The following ORC4 variants were observed in gnomAD, a reference collection of about 807,000 sequenced individuals.
The protein encoded by ORC4 is origin recognition complex, subunit 4 homolog.
ORC4 carries 55 observed loss-of-function variants against 63.9 expected under a neutral mutation model. That is an observed-to-expected ratio of 0.86 (90% confidence interval 0.69 to 1.08). The LOEUF (loss-of-function observed/expected upper bound fraction) is 1.08. ORC4 is among the 50% of genes least tolerant of loss of function. ORC4 has a pLI of 0.00. For synonymous variants in ORC4, 150 were observed against 168.5 expected, an observed-to-expected ratio of 0.89 and a Z score of 0.85; for missense variants, 511 against 504.4, an observed-to-expected ratio of 1.01 and a Z score of -0.13.
intron 1 of ORC4, among the ~76,000 whole-genome samples, chr2:147,980,672 C>G (rs1241425118): frequency 1.3e-5 from 2 of 152,160 alleles, no homozygotes; most frequent in Admixed American, 1.3e-4. Context: ...GATAACATTT[C>G]ACACCTGCTA....
intron 1 of ORC4, among the ~76,000 whole-genome samples, chr2:148,014,253 G>C (rs1461735913): frequency 6.6e-6 from 1 of 152,152 alleles, no homozygotes; most frequent in African/African-American, 2.4e-5. Context: ...TGGGGACTCA[G>C]ATAAACTACC....
At chr2:147,977,532 G>C (rs996275449) in intron 1 of ORC4, among the ~76,000 whole-genome samples, 1 of 152,142 alleles carries the variant, frequency 6.6e-6, no homozygotes, top group African/African-American at 2.4e-5. Flanking sequence ...TCAGGCAGGC[G>C]TCTGTGAAAC....
At chr2:147,963,605 G>GT (rs1474819731) in intron 4 of ORC4, among the ~76,000 whole-genome samples, 2 of 152,106 alleles carry the variant, frequency 1.3e-5, no homozygotes, top group Non-Finnish European at 2.9e-5. Context: ...AAACAAACCA[G>GT]TGAGTTGTTC....
At position 147,932,677 on chromosome 2, in the gene ORC4, G is replaced by T. The variant is rs947284904; in HGVS notation, c.*2833C>A. 2.0e-5 allele frequency: 3 copies of T among 152,064 alleles called. No homozygotes were observed. The highest frequency in any genetic ancestry group is 4.8e-5 in the African/African-American group (2 of 41,414). The allele number at this position is 152,064 out of a possible 1,614,324, so 9.4% of individuals were successfully genotyped here. A position where few individuals can be genotyped will look rare whatever the true frequency, so the allele number is the denominator to read the frequency against. ...TATTCCCACTAAAGTATGTGTGTTG[G>T]TCCTGCCAGTATTAGAAACCAGAGG... On this transcript the variant is annotated 3_prime_UTR_variant, in exon 14 of 14. Coordinates refer to ENST00000392857, the MANE Select transcript of ORC4 (RefSeq NM_181741.4).
At chr2:147,984,772 A>G (rs1691095866) in intron 1 of ORC4, among the ~76,000 whole-genome samples, 1 of 152,220 alleles carries the variant, frequency 6.6e-6, no homozygotes, top group Non-Finnish European at 1.5e-5. Context: ...CCTACAATCT[A>G]TACCTTTACA....
At chr2:147,955,485 C>G in intron 6 of ORC4, 90 bp from the exon 7 acceptor site, 1 of 865,086 alleles carries the variant, frequency 1.2e-6, no homozygotes, top group Non-Finnish European at 1.9e-6. Context: ...TATATAAACA[C>G]TGTATATCTT....
intron 6 of ORC4, among the ~76,000 whole-genome samples, chr2:147,957,240 AATT>A (rs1689311788): frequency 6.8e-6 from 1 of 147,296 alleles, no homozygotes; most frequent in Non-Finnish European, 1.5e-5. Context: ...ATAATTATAT[AATT>A]AATAATTTTA....
At chr2:148,019,756 G>A (rs1417539258) in intron 1 of ORC4, among the ~76,000 whole-genome samples, 2 of 152,082 alleles carry the variant, frequency 1.3e-5, no homozygotes, top group African/African-American at 2.4e-5. Context: ...TTGATTGTAT[G>A]AAAACAATGA....
rs535159793 is a variant in ORC4, at chr2:147,948,190, G to C, written c.623C>G (p.Ser208Ter). ...ILELLEKRVKSRFSHRQIHLM... is the reference protein window; with the variant it reads ...ILELLEKRVK The stretch of plus-strand genomic sequence containing the variant: ...GTGTATCTGCCGGTGAGAAAATCTT[G>C]ACTTCACTCTTTTTTCTAAGAGTTC... The change falls in exon 9 of 14, where the codon TCA becomes TGA. Residue 208 changes from serine to a stop codon, truncating the protein, a stop_gained. Transcript: ENST00000392857. LOFTEE classifies it high-confidence loss of function. The C allele has an allele frequency of 3.7e-6, 6 of 1,609,238 alleles. No homozygotes were observed. Among genetic ancestry groups the C allele is most frequent in the Non-Finnish European group, 4.2e-6 (5 of 1,176,786 alleles).
intron 10 of ORC4, among the ~76,000 whole-genome samples, chr2:147,940,163 A>C (rs940475407): frequency 4.0e-5 from 6 of 151,816 alleles, no homozygotes; most frequent in Admixed American, 1.3e-4. Flanking sequence ...TTTAGTTATT[A>C]ATTTTTTAAT....
intron 1 of ORC4, among the ~76,000 whole-genome samples, chr2:147,985,919 G>GA (rs767670222): frequency 1.3e-5 from 2 of 151,756 alleles, no homozygotes; most frequent in Non-Finnish European, 2.9e-5. Context: ...CAACTGGCAT[G>GA]AAAAAAAACC....
intron 1 of ORC4, among the ~76,000 whole-genome samples, chr2:148,003,300 A>G (rs1327967990): frequency 2.0e-5 from 3 of 152,186 alleles, no homozygotes; most frequent in African/African-American, 7.2e-5. Context: ...TCTGGCAGAG[A>G]CACAACAAAA....
At chr2:147,957,507 T>G (rs1024039298) in intron 6 of ORC4, among the ~76,000 whole-genome samples, 1 of 151,838 alleles carries the variant, frequency 6.6e-6, no homozygotes, top group African/African-American at 2.4e-5. Context: ...AGGTGCAAAA[T>G]TAAATTATCA....
intron 1 of ORC4, among the ~76,000 whole-genome samples, chr2:147,978,691 T>C (rs1690701357): frequency 6.6e-6 from 1 of 152,186 alleles, no homozygotes; most frequent in African/African-American, 2.4e-5. Flanking sequence ...ATATCCTTGA[T>C]GAATATAGGT....
chr2:147,931,135 C>T lies in ORC4; in HGVS notation c.*4375G>A. 6.7e-6 allele frequency: 1 copy of T among 149,322 alleles called. No individual in the cohort carries two copies. Among genetic ancestry groups the T allele is most frequent in the Non-Finnish European group, 1.5e-5 (1 of 67,492 alleles). The allele number at this position is 149,322 out of a possible 1,614,324, so 9.2% of individuals were successfully genotyped here. ...GGTTTTTTGTTCTTGTGATAGTTTA[C>T]TGAGAATGATGATTTCCAATTTCAT... On this transcript the variant is annotated 3_prime_UTR_variant, in exon 14 of 14. Transcript: ENST00000392857.
At chr2:147,974,591 C>T (rs13402812) in intron 2 of ORC4, among the ~76,000 whole-genome samples, 3,286 of 150,496 alleles carry the variant, frequency 0.022, 103 homozygotes, top group African/African-American at 0.076. Flanking sequence ...GCCAAGACTG[C>T]ACCACTGCAC....
chr2:148,020,419 C>T (rs1334312159), intron 1 of ORC4, among the ~76,000 whole-genome samples: 2 of 152,136 alleles, frequency 1.3e-5, no homozygotes, highest in African/African-American at 4.8e-5. Flanking sequence ...TCAAGGATTC[C>T]TCGGCAAGCT....
In ORC4 at chr2:147,952,539, G is replaced by A. The variant is rs770977472; in HGVS notation, c.437-15C>T. 25 of 1,577,130 alleles carry A rather than the reference G, an allele frequency of 1.6e-5. No individual in the cohort carries two copies. The African/African-American group carries it at 2.3e-4, about 14-fold the overall frequency. On this transcript the variant is annotated splice_polypyrimidine_tract_variant and intron_variant, in intron 7 of 13. Coordinates refer to ENST00000392857, the MANE Select transcript of ORC4 (RefSeq NM_181741.4). ...AGTTCGGTCACCTAAGATAAAATAA[G>A]AGCATTACATTAATAAGAAATTATA... is the stretch of plus-strand genomic sequence containing the variant.
At chr2:147,950,782 AAAAG>A (rs1459639858) in intron 8 of ORC4, among the ~76,000 whole-genome samples, 2 of 151,416 alleles carry the variant, frequency 1.3e-5, no homozygotes, top group African/African-American at 2.4e-5. Flanking sequence ...AAAAAAAAGA[AAAAG>A]AAAAAAAATT....
Sources: gnomAD v4.1 joint callset for allele counts (sites outside exome capture counted in the v4.1 genomes callset) on GRCh38, gnomAD v4.1.1 for gene constraint, MANE v1.5 for transcripts, NCBI Gene and HGNC (gene_info 2026-07-23, HGNC 2026-07-21) for gene names.